The following NSMAF variants were observed in gnomAD, a reference collection of about 807,000 sequenced individuals.
NSMAF encodes the protein protein FAN.
A neutral mutation model predicts 134.9 loss-of-function variants in NSMAF; 90 were observed. That is an observed-to-expected ratio of 0.67 (90% confidence interval 0.56 to 0.79). The LOEUF is 0.79. NSMAF is among the 30% of genes least tolerant of loss of function. The pLI is 0.00. For synonymous variants in NSMAF, 358 were observed against 389.6 expected (o/e 0.92, Z 0.96); for missense variants, 1,010 against 1,119.0 (o/e 0.90, Z 1.39).
At chr8:58,598,057 C>T (rs1195126044) in intron 19 of NSMAF, among the ~76,000 whole-genome samples, 155 bp from the exon 20 acceptor site, 4 of 152,030 alleles carry the variant, frequency 2.6e-5, no homozygotes, top group African/African-American at 4.8e-5. Context: ...CAGTAAATAC[C>T]AACTTGAATA....
chr8:58,601,191 A>T, intron 16 of NSMAF, 94 bp downstream of exon 16: 1 of 1,061,440 alleles, frequency 9.4e-7, no homozygotes, highest in Non-Finnish European at 1.4e-6. Context: ...ACATTTCTTT[A>T]CTTTTTTATT....
intron 1 of NSMAF, among the ~76,000 whole-genome samples, chr8:58,648,006 T>C (rs561559829): frequency 2.6e-5 from 4 of 152,274 alleles, no homozygotes; most frequent in African/African-American, 9.6e-5. Flanking sequence ...GTTTGAAACT[T>C]CTCAGAGACT....
chr8:58,658,448 G>C (rs80127371), intron 1 of NSMAF, among the ~76,000 whole-genome samples: 107 of 152,292 alleles, frequency 7.0e-4, no homozygotes, highest in Non-Finnish European at 1.2e-3. Flanking sequence ...ACACTGGTTA[G>C]ACCAACATTA....
rs1388273046 is a variant in NSMAF at position 58,584,071 on chromosome 8, G to A, written c.*35C>T. ...GTTTGGTTTAAAAATGCATTAAATA[G>A]AGTTCAATTTAATATTCAGGAGAGG... On this transcript the variant is annotated 3_prime_UTR_variant, in exon 31 of 31. Coordinates refer to ENST00000038176, the MANE Select transcript of NSMAF (RefSeq NM_003580.4). The A allele has an allele frequency of 6.8e-7, 1 of 1,469,870 alleles. No homozygotes were observed. Among genetic ancestry groups the A allele is most frequent in the Non-Finnish European group, 9.5e-7 (1 of 1,048,894 alleles). 91.1% of individuals were successfully genotyped at this position (1,469,870 alleles called of 1,614,324 possible).
chr8:58,652,826 T>G (rs1176839015), intron 1 of NSMAF, among the ~76,000 whole-genome samples: 1 of 152,234 alleles, frequency 6.6e-6, no homozygotes, highest in Non-Finnish European at 1.5e-5. Flanking sequence ...AATAAGGATA[T>G]GTTCAGACAG....
intron 23 of NSMAF, 126 bp from the exon 24 acceptor site, chr8:58,591,060 T>C (rs943109248): frequency 7.7e-5 from 88 of 1,137,180 alleles, no homozygotes; most frequent in Non-Finnish European, 1.0e-4. Flanking sequence ...TATAATCTTA[T>C]GGAAAACCGA....
At chr8:58,657,511 G>C (rs1405076286) in intron 1 of NSMAF, among the ~76,000 whole-genome samples, 1 of 152,180 alleles carries the variant, frequency 6.6e-6, no homozygotes, top group Admixed American at 6.5e-5. Flanking sequence ...AAAAATCTGG[G>C]CAGAAATGGT....
chr8:58,605,408 C>T (rs1806381607), intron 12 of NSMAF, among the ~76,000 whole-genome samples: 1 of 152,112 alleles, frequency 6.6e-6, no homozygotes, highest in Admixed American at 6.5e-5. Context: ...TAAGACCTGA[C>T]TGAACATAAA....
chr8:58,623,663 T>G (rs1034175060), intron 7 of NSMAF, 46 bp downstream of exon 7: 3 of 1,515,660 alleles, frequency 2.0e-6, no homozygotes, highest in African/African-American at 1.4e-5. Context: ...ATAAAAACAG[T>G]TTTTGCCTCA....
At chr8:58,653,839 A>G (rs1807641272) in intron 1 of NSMAF, among the ~76,000 whole-genome samples, 1 of 152,222 alleles carries the variant, frequency 6.6e-6, no homozygotes, top group African/African-American at 2.4e-5. Flanking sequence ...AATATTATAT[A>G]GCTTACATAC....
Position 58,601,501 on chromosome 8 carries a change from A to G in NSMAF, c.1160T>C (p.Met387Thr), listed in dbSNP as rs768017544. The stretch of plus-strand genomic sequence containing the variant: ...CGGGGAAGAGTAGTGACTCCCATAC[A>G]TGAACTTTGGTTCAGGCATTTCCTG... The part of the protein sequence containing the change: ...RYQEMPEPKF[M>T]YGSHYSSPGY... The change falls in exon 15 of 31, where the codon ATG becomes ACG. Residue 387 changes from methionine (M) to threonine (T), a missense_variant. Met to Thr is a moderately conservative substitution (Grantham distance 81). Coordinates refer to ENST00000038176, the MANE Select transcript of NSMAF (RefSeq NM_003580.4). 17 of 1,613,160 alleles carry G rather than the reference A, an allele frequency of 1.1e-5. No individual in the cohort carries two copies. The Admixed American group carries it at 2.2e-4, about 21-fold the overall frequency.
rs1173683243 is a variant in NSMAF at position 58,589,880 on chromosome 8, A to C, written c.2087+127T>G. Reference sequence around the variant, plus strand: ...TCCAACCATACTGTCCTCATCTCTAATATCTGTTCCCTTTAGAAAACAGTG... The same window carrying C: ...TCCAACCATACTGTCCTCATCTCTACTATCTGTTCCCTTTAGAAAACAGTG... On this transcript the variant is annotated intron_variant, in intron 25 of 30. Transcript: ENST00000038176. 4.1e-6 allele frequency: 3 copies of C among 739,772 alleles called. No individual in the cohort carries two copies. The African/African-American group carries it at 5.3e-5, about 13-fold the overall frequency. The allele number at this position is 739,772 out of a possible 1,614,324, so 45.8% of individuals were successfully genotyped here. A position where few individuals can be genotyped will look rare whatever the true frequency, so the allele number is the denominator to read the frequency against.
Position 58,659,665 on chromosome 8 carries a change from G to C in NSMAF, c.-34C>G. On this transcript the variant is annotated 5_prime_UTR_variant, in exon 1 of 31. Coordinates refer to ENST00000038176, the MANE Select transcript of NSMAF (RefSeq NM_003580.4). Reference sequence around the variant, plus strand: ...GGCGCGGGCGGGCGCAGAGCGCACAGGCAGGCCCCGCCGCCGCCTGCCGAG... The same window carrying C: ...GGCGCGGGCGGGCGCAGAGCGCACACGCAGGCCCCGCCGCCGCCTGCCGAG... The C allele has an allele frequency of 7.3e-7, 1 of 1,366,838 alleles. No individual in the cohort carries two copies. 84.7% of individuals were successfully genotyped at this position (1,366,838 alleles called of 1,614,324 possible). A position where few individuals can be genotyped will look rare whatever the true frequency, so the allele number is the denominator to read the frequency against.
Position 58,653,780 on chromosome 8 carries a change from C to A in NSMAF, c.59+5793G>T, listed in dbSNP as rs184745391. Among the ~76,000 whole-genome samples the A allele has an allele frequency of 3.2e-3, 494 of 152,104 alleles. 2 individuals carry two copies. The highest frequency in any genetic ancestry group is 0.011 in the African/African-American group (469 of 41,498). On this transcript the variant is annotated intron_variant, in intron 1 of 30. Coordinates refer to ENST00000038176, the MANE Select transcript of NSMAF (RefSeq NM_003580.4). ...TTTAGAAGAAAAATAGCACTGAATTCCTTAAATGACCATTCCTATTTTATA... is the reference window on the plus strand; with the variant it reads ...TTTAGAAGAAAAATAGCACTGAATTACTTAAATGACCATTCCTATTTTATA...
Position 58,584,159 on chromosome 8 carries a change from T to C in NSMAF, c.2701A>G (p.Ile901Val). 6.2e-7 allele frequency: 1 copy of C among 1,613,846 alleles called. No individual in the cohort carries two copies. The highest frequency in any genetic ancestry group is 8.5e-7 in the Non-Finnish European group (1 of 1,179,756). ...CIWMNEQCSSIITGGEDRQII... is the reference protein window; with the variant it reads ...CIWMNEQCSSVITGGEDRQII... ...TGTCTGTCTTCCCCTCCTGTGATGA[T>C]ACTGCTACACTGTTCATTCATCCAT... Residue 901 changes from isoleucine (I) to valine (V), a missense_variant, in exon 31 of 31, where the codon ATC becomes GTC. Transcript: ENST00000038176.
intron 2 of NSMAF, among the ~76,000 whole-genome samples, chr8:58,636,500 T>C (rs1362832039): frequency 6.6e-6 from 1 of 152,232 alleles, no homozygotes; most frequent in Non-Finnish European, 1.5e-5. Flanking sequence ...AATCTCCATA[T>C]AGCCATTACA....
intron 6 of NSMAF, among the ~76,000 whole-genome samples, chr8:58,628,698 G>C (rs1406588727): frequency 6.6e-6 from 1 of 151,966 alleles, no homozygotes; most frequent in Non-Finnish European, 1.5e-5. Flanking sequence ...ACTCACTTTA[G>C]CATTTCCTAT....
intron 19 of NSMAF, among the ~76,000 whole-genome samples, chr8:58,599,016 C>T (rs1045937247): frequency 6.6e-6 from 1 of 152,154 alleles, no homozygotes; most frequent in African/African-American, 2.4e-5. Context: ...CAGAGCAAGA[C>T]TCCATCTCAA....
chr8:58,596,818 C>T (rs1165667175), intron 21 of NSMAF, among the ~76,000 whole-genome samples: 1 of 151,928 alleles, frequency 6.6e-6, no homozygotes. Context: ...GTCCCAGCTA[C>T]TCAGGAGGCT....
Sources: gnomAD v4.1 joint callset for allele counts (sites outside exome capture counted in the v4.1 genomes callset) on GRCh38, gnomAD v4.1.1 for gene constraint, MANE v1.5 for transcripts, NCBI Gene and HGNC (gene_info 2026-07-23, HGNC 2026-07-21) for gene names.